The following ELF2 variants were observed in gnomAD, a reference collection of about 807,000 sequenced individuals.
ELF2 encodes the protein ETS-related transcription factor Elf-2.
ELF2 carries 11 observed loss-of-function variants against 54.8 expected under a neutral mutation model. The observed-to-expected ratio is 0.20, with a 90% CI of 0.13 to 0.33. The LOEUF is 0.33. ELF2 is among the 10% of genes least tolerant of loss of function. ELF2 has a pLI of 1.00. For missense variants in ELF2, 513 were observed against 703.0 expected (o/e 0.73, Z 3.06); for synonymous variants, 203 against 245.1 (o/e 0.83, Z 1.61).
intron 1 of ELF2, among the ~76,000 whole-genome samples, chr4:139,167,074 C>T (rs1358514072): frequency 6.6e-6 from 1 of 152,162 alleles, no homozygotes; most frequent in African/African-American, 2.4e-5. Flanking sequence ...CCTACTTGAT[C>T]CCTCTGCATT....
chr4:139,098,069 A>C (rs1733473946), intron 4 of ELF2, among the ~76,000 whole-genome samples: 1 of 152,256 alleles, frequency 6.6e-6, no homozygotes, highest in African/African-American at 2.4e-5. Context: ...ACATGGTTAA[A>C]AACTGACATA....
At chr4:139,118,432 A>G (rs1476836099) in intron 4 of ELF2, among the ~76,000 whole-genome samples, 2 of 152,200 alleles carry the variant, frequency 1.3e-5, no homozygotes, top group South Asian at 4.1e-4. Context: ...AACACTCAGA[A>G]GCATAAATAG....
chr4:139,084,296 G>A (rs1384350226), intron 4 of ELF2: 24 of 1,598,780 alleles, frequency 1.5e-5, no homozygotes, highest in Admixed American at 1.3e-4. Context: ...CCGTGCGACC[G>A]ACACACACTC....
intron 4 of ELF2, among the ~76,000 whole-genome samples, chr4:139,111,455 G>C (rs1320913546): frequency 1.3e-5 from 2 of 150,630 alleles, no homozygotes; most frequent in Non-Finnish European, 3.0e-5. Context: ...ACTGCAAGGA[G>C]TAGCTGGGAC....
chr4:139,109,115 A>T (rs891635736), intron 4 of ELF2, among the ~76,000 whole-genome samples: 2 of 152,212 alleles, frequency 1.3e-5, no homozygotes, highest in African/African-American at 4.8e-5. Flanking sequence ...ACCTGCTGGT[A>T]TAAATCTAAC....
At chr4:139,171,544 G>A (rs1416340897) in intron 1 of ELF2, among the ~76,000 whole-genome samples, 1 of 151,702 alleles carries the variant, frequency 6.6e-6, no homozygotes, top group African/African-American at 2.4e-5. Flanking sequence ...TCAATACTAT[G>A]AGTCATAAGG....
chr4:139,119,969 T>G (rs1160089523), intron 4 of ELF2, among the ~76,000 whole-genome samples: 2 of 152,166 alleles, frequency 1.3e-5, no homozygotes, highest in Non-Finnish European at 2.9e-5. Flanking sequence ...AGATGGGGTT[T>G]CACCACATTG....
At chr4:139,104,475 C>T (rs1734215850) in intron 4 of ELF2, among the ~76,000 whole-genome samples, 1 of 148,614 alleles carries the variant, frequency 6.7e-6, no homozygotes, top group Non-Finnish European at 1.5e-5. Context: ...TGCCACTGCA[C>T]CCCAGCCTGG....
At chr4:139,131,445 A>T (rs1737479948) in intron 3 of ELF2, among the ~76,000 whole-genome samples, 1 of 152,246 alleles carries the variant, frequency 6.6e-6, no homozygotes, top group Non-Finnish European at 1.5e-5. Flanking sequence ...TCCAGGTATC[A>T]GAAGTTTCCA....
intron 7 of ELF2, 142 bp downstream of exon 7, chr4:139,067,542 G>T: frequency 1.3e-6 from 1 of 778,246 alleles, no homozygotes; most frequent in Non-Finnish European, 2.0e-6. Flanking sequence ...ACGTGATGCT[G>T]ATACATCCCT....
chr4:139,166,565 A>G (rs887442760), intron 1 of ELF2, among the ~76,000 whole-genome samples: 39 of 152,024 alleles, frequency 2.6e-4, no homozygotes, highest in African/African-American at 8.9e-4. Flanking sequence ...ATTAAGATTA[A>G]GCAACACAAA....
chr4:139,061,319 C>T (rs2148661919), intron 8 of ELF2, among the ~76,000 whole-genome samples: 1 of 151,936 alleles, frequency 6.6e-6, no homozygotes, highest in East Asian at 1.9e-4. Flanking sequence ...GGATTACAGG[C>T]GAGCGCCACC....
Position 139,059,275 on chromosome 4 carries a change from G to C in ELF2, c.1490C>G (p.Thr497Ser), listed in dbSNP as rs1209771675. ...VGTPLAVRAL[T>S]PVSIAHGTPV... ...TGTACCATGGGCTATTGAAACAGGG[G>C]TAAGTGCTCTCACAGCCAATGGGGT... Residue 497 changes from threonine (T) to serine (S), a missense_variant, in exon 10 of 10, where the codon ACC (threonine) becomes AGC (serine). Physicochemically the swap from Thr to Ser is moderately conservative, Grantham distance 58. Around this residue, in one of 3 missense-constraint regions of ELF2, gnomAD observed 291 missense variants for 366.1 expected, o/e 0.79. Coordinates refer to ENST00000686138, the MANE Select transcript of ELF2 (RefSeq NM_001331036.3). The C allele has an allele frequency of 2.5e-6, 4 of 1,613,784 alleles. No individual in the cohort carries two copies. The East Asian group carries it at 8.9e-5, about 36-fold the overall frequency.
chr4:139,067,787 T>A lies in ELF2; in HGVS notation c.527-17A>T. 6.4e-7 allele frequency: 1 copy of A among 1,566,288 alleles called. No homozygotes were observed. Among genetic ancestry groups the A allele is most frequent in the Non-Finnish European group, 8.7e-7 (1 of 1,150,890 alleles). ...TACGGCCAACTGAAAAAATAAGATATTGAAACCATACGTTGAAAACAAGAA... is the reference window on the plus strand; with the variant it reads ...TACGGCCAACTGAAAAAATAAGATAATGAAACCATACGTTGAAAACAAGAA... On this transcript the variant is annotated splice_polypyrimidine_tract_variant and intron_variant, in intron 6 of 9. Transcript: ENST00000686138.
In ELF2 at chr4:139,060,383, G is replaced by A. The variant is rs201024586; in HGVS notation, c.1098C>T (p.His366=). The A allele has an allele frequency of 1.9e-5, 31 of 1,613,980 alleles. No homozygotes were observed. Among genetic ancestry groups the A allele is most frequent in the East Asian group, 1.8e-4 (8 of 44,880 alleles). The change falls in exon 9 of 10, where the codon CAC becomes CAT. Residue 366 remains histidine, a synonymous_variant. Coordinates refer to ENST00000686138, the MANE Select transcript of ELF2 (RefSeq NM_001331036.3). ...TAGTAGGAGACCTGGATGAAGCATC[G>A]TGCCCAGGGGAAGTGATATTCACAA... is the stretch of plus-strand genomic sequence containing the variant. ...ARVVNITSPG[H]DASSRSPTTT...
intron 1 of ELF2, among the ~76,000 whole-genome samples, chr4:139,164,464 C>T (rs1212512503): frequency 6.6e-6 from 1 of 152,004 alleles, no homozygotes; most frequent in Non-Finnish European, 1.5e-5. Context: ...GGAGAAACAC[C>T]ATCTCTACTA....
chr4:139,067,889 A>T lies in ELF2; in HGVS notation c.527-119T>A, dbSNP rs1037731083. 2.2e-5 allele frequency: 21 copies of T among 945,988 alleles called. No homozygotes were observed. In the Admixed American group the frequency reaches 3.0e-4, roughly 13 times the overall value. 58.6% of individuals were successfully genotyped at this position (945,988 alleles called of 1,614,324 possible). The stretch of plus-strand genomic sequence containing the variant: ...AATGGATACTAATTTGTAGATGAAT[A>T]TACTCTATGAAAAGCTGCTTCTAAA... On this transcript the variant is annotated intron_variant, in intron 6 of 9. Transcript: ENST00000686138.
chr4:139,151,031 A>AAGAAAAGAAAAGAAAAGAAAAG (rs759953394), intron 1 of ELF2, among the ~76,000 whole-genome samples: 9 of 118,340 alleles, frequency 7.6e-5, no homozygotes, highest in African/African-American at 2.7e-4. Context: ...CTCAAAAAAA[A>AAGAAAAGAAAAGAAAAGAAAAG]AAAAGAAAGA....
At chr4:139,069,427 A>G (rs1362716717) in intron 6 of ELF2, among the ~76,000 whole-genome samples, 3 of 152,240 alleles carry the variant, frequency 2.0e-5, no homozygotes, top group Non-Finnish European at 4.4e-5. Context: ...CTCAATGTAA[A>G]TAATATTTAT....
Sources: gnomAD v4.1 joint callset for allele counts (sites outside exome capture counted in the v4.1 genomes callset) on GRCh38, gnomAD v4.1.1 for gene constraint, gnomAD v4.1.1 regional missense constraint, MANE v1.5 for transcripts, NCBI Gene and HGNC (gene_info 2026-07-23, HGNC 2026-07-21) for gene names.